The following GPC5 variants were observed in gnomAD, a reference collection of about 807,000 sequenced individuals.
GPC5 encodes glypican 5.
A neutral mutation model predicts 53.9 loss-of-function variants in GPC5; 47 were observed. The observed-to-expected ratio is 0.87, with a 90% CI of 0.69 to 1.11. The LOEUF (loss-of-function observed/expected upper bound fraction) is 1.11, where lower values mean the gene tolerates loss of function less well. Among genes scored for constraint, GPC5 ranks in the 50% most tolerant of loss-of-function variants. The probability of loss-of-function intolerance (pLI) is 0.00; values close to 1 mark genes in which losing one functional copy is unlikely to be tolerated. For missense variants in GPC5, 748 were observed against 713.1 expected (o/e 1.05, Z -0.56); for synonymous variants, 286 against 263.3 (o/e 1.09, Z -0.84).
At chr13:91,964,343 G>C (rs148619794) in intron 6 of GPC5, among the ~76,000 whole-genome samples, 1 of 152,242 alleles carries the variant, frequency 6.6e-6, no homozygotes, top group Non-Finnish European at 1.5e-5. Flanking sequence ...CCCTTATTTG[G>C]TCCCACCCAC....
At chr13:91,709,827 C>A (rs1490382500) in intron 3 of GPC5, among the ~76,000 whole-genome samples, 2 of 152,146 alleles carry the variant, frequency 1.3e-5, no homozygotes, top group African/African-American at 4.8e-5. Flanking sequence ...GAAATCTGGC[C>A]TTTATCATGC....
chr13:92,311,514 G>A lies in GPC5; in HGVS notation c.1561+166525G>A, dbSNP rs191315621. 2.0e-5 allele frequency among the ~76,000 whole-genome samples: 3 copies of A among 152,294 alleles called. No homozygotes were observed. In the East Asian group the frequency reaches 5.8e-4, roughly 29 times the overall value. ...TGCTAATAAAGACATACCCAAGACT[G>A]GGTAATTTATAAAGGAAAGAAGTTT... On this transcript the variant is annotated intron_variant, in intron 7 of 7. Transcript: ENST00000377067.
chr13:92,126,451 G>GATTTT (rs1238179014), intron 6 of GPC5, among the ~76,000 whole-genome samples: 1 of 152,148 alleles, frequency 6.6e-6, no homozygotes, highest in Non-Finnish European at 1.5e-5. Context: ...TGAGATGATT[G>GATTTT]ATTTTATTTT....
At chr13:92,808,031 A>C (rs1300707560) in intron 7 of GPC5, among the ~76,000 whole-genome samples, 1 of 152,152 alleles carries the variant, frequency 6.6e-6, no homozygotes, top group African/African-American at 2.4e-5. Context: ...AGTTATATGA[A>C]TAAATGTGTC....
intron 6 of GPC5, among the ~76,000 whole-genome samples, chr13:92,004,314 G>A (rs1414015232): frequency 2.0e-5 from 3 of 150,666 alleles, no homozygotes; most frequent in African/African-American, 7.3e-5. Context: ...ATGTGGTGAC[G>A]TGCGCCTGTA....
chr13:91,818,611 C>A (rs1308895544), intron 5 of GPC5, among the ~76,000 whole-genome samples: 2 of 151,890 alleles, frequency 1.3e-5, no homozygotes, highest in African/African-American at 4.8e-5. Context: ...ATGGAGATAA[C>A]CATGGTAAGA....
intron 2 of GPC5, among the ~76,000 whole-genome samples, chr13:91,480,632 A>C (rs544080547): frequency 6.6e-6 from 1 of 152,310 alleles, no homozygotes; most frequent in Non-Finnish European, 1.5e-5. Flanking sequence ...TCTTTCTTGA[A>C]AAGGTAAGCT....
intron 2 of GPC5, among the ~76,000 whole-genome samples, chr13:91,682,208 C>A (rs942303711): frequency 2.0e-5 from 3 of 152,160 alleles, no homozygotes; most frequent in African/African-American, 7.2e-5. Flanking sequence ...TACTTATATA[C>A]ACAGTATTAT....
At chr13:92,221,637 T>C (rs534668950) in intron 7 of GPC5, among the ~76,000 whole-genome samples, 1 of 152,272 alleles carries the variant, frequency 6.6e-6, no homozygotes, top group African/African-American at 2.4e-5. Flanking sequence ...TAAAGTTCTG[T>C]CCACAAATGA....
intron 5 of GPC5, among the ~76,000 whole-genome samples, chr13:91,840,841 G>A (rs904779673): frequency 7.3e-5 from 11 of 151,404 alleles, no homozygotes; most frequent in African/African-American, 2.7e-4. Context: ...CTGAATTACG[G>A]TTAACTATTA....
intron 7 of GPC5, among the ~76,000 whole-genome samples, chr13:92,840,074 CATACATAT>C (rs1380454052): frequency 1.4e-5 from 1 of 72,122 alleles, no homozygotes; most frequent in Non-Finnish European, 2.8e-5. Context: ...TTCATATATA[CATACATAT>C]ATATATATAT....
intron 7 of GPC5, among the ~76,000 whole-genome samples, chr13:92,847,405 G>C (rs1455744097): frequency 6.6e-6 from 1 of 152,070 alleles, no homozygotes; most frequent in Non-Finnish European, 1.5e-5. Context: ...TATTGGAGGA[G>C]GGGCCTGCTG....
At chr13:92,009,208 A>G (rs2040637493) in intron 6 of GPC5, among the ~76,000 whole-genome samples, 1 of 146,362 alleles carries the variant, frequency 6.8e-6, no homozygotes, top group Non-Finnish European at 1.5e-5. Context: ...ATAATTTTGT[A>G]TTTGATGCTC....
intron 7 of GPC5, among the ~76,000 whole-genome samples, chr13:92,420,951 GT>G (rs757827440): frequency 6.6e-6 from 1 of 152,136 alleles, no homozygotes; most frequent in Non-Finnish European, 1.5e-5. Context: ...TGCAAAACTA[GT>G]TTTTTATTTC....
At chr13:91,514,972 A>C (rs191253637) in intron 2 of GPC5, among the ~76,000 whole-genome samples, 2 of 152,224 alleles carry the variant, frequency 1.3e-5, no homozygotes, top group African/African-American at 4.8e-5. Flanking sequence ...AGCCTCATGG[A>C]ATCATTTACA....
At chr13:91,733,321 G>A (rs1026374157) in intron 4 of GPC5, among the ~76,000 whole-genome samples, 18 of 152,212 alleles carry the variant, frequency 1.2e-4, no homozygotes, top group African/African-American at 4.3e-4. Context: ...TTTTAGTAGA[G>A]ATGGGGTTTC....
chr13:92,749,356 T>C (rs1889321284), intron 7 of GPC5, among the ~76,000 whole-genome samples: 1 of 152,124 alleles, frequency 6.6e-6, no homozygotes, highest in Non-Finnish European at 1.5e-5. Flanking sequence ...TGGTAAATCA[T>C]GTTGTATTAA....
At chr13:91,448,670 G>T (rs1880966018) in intron 1 of GPC5, 91 bp from the exon 2 acceptor site, 3 of 1,256,368 alleles carry the variant, frequency 2.4e-6, no homozygotes, top group South Asian at 3.2e-5. Context: ...ATAGTCCTTT[G>T]TGTGCAGGAC....
At chr13:92,055,676 A>G (rs2041068677) in intron 6 of GPC5, among the ~76,000 whole-genome samples, 1 of 152,226 alleles carries the variant, frequency 6.6e-6, no homozygotes, top group Non-Finnish European at 1.5e-5. Context: ...TAGGGGAAGA[A>G]CCCTGAATTT....
Sources: allele counts gnomAD v4.1 joint callset (sites outside exome capture counted in the v4.1 genomes callset), GRCh38; gene constraint gnomAD v4.1.1; transcripts MANE v1.5; gene names NCBI Gene and HGNC (gene_info 2026-07-23, HGNC 2026-07-21).